CBLB: variants seen among roughly 807,000 people sequenced by gnomAD.
CBLB encodes the protein E3 ubiquitin-protein ligase CBL-B.
Under a neutral mutation model 104.9 loss-of-function variants are expected in CBLB, and 31 were observed. That is an observed-to-expected ratio of 0.30 (90% CI 0.22 to 0.40). CBLB has a LOEUF of 0.40. CBLB is among the 10% of genes least tolerant of loss of function. The probability of loss-of-function intolerance (pLI) is 1.00; values close to 1 mark genes in which losing one functional copy is unlikely to be tolerated. For missense variants in CBLB, 1,062 were observed against 1,214.6 expected (o/e 0.87, Z 1.87); for synonymous variants, 440 against 422.6 (o/e 1.04, Z -0.51).
chr3:105,809,716 T>C (rs1351276969), intron 3 of CBLB, among the ~76,000 whole-genome samples: 2 of 152,214 alleles, frequency 1.3e-5, no homozygotes, highest in Admixed American at 6.5e-5. Flanking sequence ...ACTGTTCTTA[T>C]TGTTTTCCTT....
At chr3:105,822,714 T>C (rs2086058304) in intron 3 of CBLB, among the ~76,000 whole-genome samples, 1 of 152,228 alleles carries the variant, frequency 6.6e-6, no homozygotes, top group Admixed American at 6.5e-5. Flanking sequence ...TTCCATCTTG[T>C]GTTTTCTTTT....
chr3:105,838,277 T>TTTTTTG, intron 3 of CBLB, among the ~76,000 whole-genome samples: 1 of 103,384 alleles, frequency 9.7e-6, no homozygotes, highest in Non-Finnish European at 2.1e-5. Context: ...TTTTTTTTTT[T>TTTTTTG]GTAGAGATGG....
At chr3:105,765,179 G>A (rs921096845) in intron 4 of CBLB, among the ~76,000 whole-genome samples, 11 of 152,170 alleles carry the variant, frequency 7.2e-5, no homozygotes, top group Non-Finnish European at 1.6e-4. Flanking sequence ...GCCTTAAGAT[G>A]AAAGAAAATG....
chr3:105,839,638 T>TA (rs2089232195), intron 3 of CBLB, among the ~76,000 whole-genome samples: 1 of 152,262 alleles, frequency 6.6e-6, no homozygotes, highest in African/African-American at 2.4e-5. Flanking sequence ...GCAGGCCAGA[T>TA]AGTCTCTATG....
intron 3 of CBLB, among the ~76,000 whole-genome samples, chr3:105,790,480 T>A (rs1002049168): frequency 2.6e-5 from 4 of 152,246 alleles, no homozygotes; most frequent in African/African-American, 9.6e-5. Flanking sequence ...CCATCGACTT[T>A]AATAAAGTTT....
At chr3:105,841,644 A>G (rs1416929370) in intron 3 of CBLB, among the ~76,000 whole-genome samples, 1 of 151,762 alleles carries the variant, frequency 6.6e-6, no homozygotes, top group African/African-American at 2.4e-5. Flanking sequence ...TATTACAGAC[A>G]GGGTTTCACC....
In CBLB at chr3:105,840,295, G is replaced by T. The variant is rs369992081; in HGVS notation, c.419+13119C>A. On this transcript the variant is annotated intron_variant, in intron 3 of 18. Transcript: ENST00000394030. ...ACATGTATATACATAAACAGAGTGA[G>T]AAAGGAAGAGATATTTACAGAAAAA... Among the ~76,000 whole-genome samples, 5 of 151,786 alleles carry T rather than the reference G, an allele frequency of 3.3e-5. No homozygotes were observed. The East Asian group carries it at 7.7e-4, about 23-fold the overall frequency.
intron 9 of CBLB, among the ~76,000 whole-genome samples, chr3:105,730,971 T>C (rs908528144): frequency 2.0e-5 from 3 of 152,158 alleles, no homozygotes; most frequent in South Asian, 2.1e-4. Context: ...AACTGAGAAG[T>C]AGCTGAGAAT....
intron 4 of CBLB, among the ~76,000 whole-genome samples, chr3:105,761,425 G>C (rs2077615962): frequency 6.6e-6 from 1 of 152,194 alleles, no homozygotes; most frequent in Admixed American, 6.5e-5. Context: ...ACATGTTGTG[G>C]GAGGGACCAG....
intron 17 of CBLB, chr3:105,673,128 G>C (rs2065247300): frequency 6.7e-6 from 1 of 150,306 alleles, no homozygotes; most frequent in Non-Finnish European, 1.5e-5. Flanking sequence ...GAGTGGAGTG[G>C]TTCAATCTTG....
upstream of CBLB, chr3:105,869,040 C>G (rs926198827): frequency 9.0e-7 from 1 of 1,114,106 alleles, no homozygotes; most frequent in Non-Finnish European, 1.1e-6. Flanking sequence ...CACACAGGAC[C>G]CAGGCTCGGG....
intron 12 of CBLB, among the ~76,000 whole-genome samples, chr3:105,700,802 T>C (rs529300915): frequency 6.6e-6 from 1 of 152,322 alleles, no homozygotes; most frequent in Non-Finnish European, 1.5e-5. Context: ...GGCTACCCCA[T>C]ATCACTGAGG....
At chr3:105,795,006 C>T (rs1431307776) in intron 3 of CBLB, among the ~76,000 whole-genome samples, 2 of 151,812 alleles carry the variant, frequency 1.3e-5, no homozygotes, top group East Asian at 1.9e-4. Context: ...ATCTGTCTCC[C>T]GGGTTCAAGA....
chr3:105,689,844 G>A (rs1019818138), intron 13 of CBLB, among the ~76,000 whole-genome samples: 3 of 151,900 alleles, frequency 2.0e-5, no homozygotes, highest in African/African-American at 7.2e-5. Context: ...TGTCAAAGAT[G>A]TTAAGCAGAA....
chr3:105,683,182 T>C (rs1473654949), intron 14 of CBLB, among the ~76,000 whole-genome samples: 1 of 152,230 alleles, frequency 6.6e-6, no homozygotes, highest in Admixed American at 6.5e-5. Flanking sequence ...GGATTTTTAC[T>C]GAAATTAAAT....
At chr3:105,687,957 T>C (rs2067211935) in intron 13 of CBLB, among the ~76,000 whole-genome samples, 1 of 152,066 alleles carries the variant, frequency 6.6e-6, no homozygotes, top group African/African-American at 2.4e-5. Context: ...TGTGGGGTTT[T>C]ATTTTCCTCT....
chr3:105,855,739 G>A (rs1007830342), intron 2 of CBLB, among the ~76,000 whole-genome samples: 1 of 152,112 alleles, frequency 6.6e-6, no homozygotes, highest in African/African-American at 2.4e-5. Flanking sequence ...AACTAGTCTA[G>A]ATTATTTCTC....
chr3:105,824,404 T>C (rs2086290697), intron 3 of CBLB, among the ~76,000 whole-genome samples: 1 of 152,068 alleles, frequency 6.6e-6, no homozygotes, highest in Middle Eastern at 3.2e-3. Flanking sequence ...CAGGCTAGTT[T>C]TTTGCCACCC....
At chr3:105,782,059 T>C (rs1427962385) in intron 3 of CBLB, among the ~76,000 whole-genome samples, 1 of 152,152 alleles carries the variant, frequency 6.6e-6, no homozygotes, top group Non-Finnish European at 1.5e-5. Flanking sequence ...CTTAGGAATG[T>C]TGTGATTCCT....
Sources: gnomAD v4.1 joint callset for allele counts (sites outside exome capture counted in the v4.1 genomes callset) on GRCh38, gnomAD v4.1.1 for gene constraint, MANE v1.5 for transcripts, NCBI Gene and HGNC (gene_info 2026-07-23, HGNC 2026-07-21) for gene names.